The following SAMMSON variants were observed in gnomAD, a reference collection of about 807,000 sequenced individuals.
SAMMSON encodes the protein long intergenic non-protein coding RNA 1212.
At chr3:70,328,427 C>G (rs1702596528) in intron 7 of SAMMSON, among the ~76,000 whole-genome samples, 1 of 151,970 alleles carries the variant, frequency 6.6e-6, no homozygotes. Flanking sequence ...TATGTATGTC[C>G]CAAAAGGCAG....
chr3:70,062,188 C>G (rs901152481), intron 3 of SAMMSON, among the ~76,000 whole-genome samples: 1 of 151,988 alleles, frequency 6.6e-6, no homozygotes, highest in Non-Finnish European at 1.5e-5. Context: ...TTCATTCATG[C>G]CCATACAAAT....
intron 3 of SAMMSON, among the ~76,000 whole-genome samples, chr3:70,047,525 C>T (rs1171979552): frequency 6.6e-6 from 1 of 151,830 alleles, no homozygotes; most frequent in Non-Finnish European, 1.5e-5. Flanking sequence ...TTAGTAGAGA[C>T]GGGGTTTCAC....
At chr3:70,140,463 A>G (rs1488318118) in intron 4 of SAMMSON, 1 of 181,604 alleles carries the variant, frequency 5.5e-6, no homozygotes, top group Non-Finnish European at 1.2e-5. Context: ...TGAGTGACCC[A>G]CAAACTCTTT....
intron 9 of SAMMSON, among the ~76,000 whole-genome samples, chr3:70,377,132 A>G (rs1215060267): frequency 2.6e-5 from 4 of 152,152 alleles, no homozygotes; most frequent in African/African-American, 9.6e-5. Flanking sequence ...GTTGTTTGGA[A>G]AGAGTGAAAT....
intron 4 of SAMMSON, among the ~76,000 whole-genome samples, chr3:70,103,510 G>T (rs1207429896): frequency 1.3e-5 from 2 of 152,146 alleles, no homozygotes; most frequent in Non-Finnish European, 2.9e-5. Context: ...TGGTGAAAAT[G>T]TCAATGGCTT....
intron 7 of SAMMSON, among the ~76,000 whole-genome samples, chr3:70,294,122 T>C (rs1702266923): frequency 1.3e-5 from 2 of 152,168 alleles, no homozygotes; most frequent in Non-Finnish European, 2.9e-5. Context: ...TCTCAGTGTT[T>C]TAGAAATGTC....
chr3:70,371,374 A>G (rs1312658727), intron 9 of SAMMSON, among the ~76,000 whole-genome samples: 2 of 151,660 alleles, frequency 1.3e-5, no homozygotes, highest in African/African-American at 4.8e-5. Context: ...TTTGACAGGG[A>G]TTGCCTTGAA....
chr3:70,319,050 C>T (rs945588296), intron 7 of SAMMSON, among the ~76,000 whole-genome samples: 1 of 152,040 alleles, frequency 6.6e-6, no homozygotes, highest in African/African-American at 2.4e-5. Flanking sequence ...ACAAAAGCTA[C>T]TTTTTGCCAG....
rs113080245 is a variant in SAMMSON at position 70,004,899 on chromosome 3, G to A, written n.22+5032G>A. Among the ~76,000 whole-genome samples the A allele has an allele frequency of 4.2e-3, 642 of 152,208 alleles. 6 individuals are homozygous for A. Among genetic ancestry groups the A allele is most frequent in the African/African-American group, 0.015 (618 of 41,532 alleles). ...CTACACCTAAGGCTTTAAATCCTAG[G>A]CCAAATGACCCACTTAGCCACTTTT... On this transcript the variant is annotated intron_variant and non_coding_transcript_variant, in intron 1 of 9. Transcript: ENST00000642114.
intron 4 of SAMMSON, among the ~76,000 whole-genome samples, chr3:70,228,908 C>G (rs1182069380): frequency 6.6e-6 from 1 of 152,022 alleles, no homozygotes; most frequent in African/African-American, 2.4e-5. Context: ...AGAAACTCAG[C>G]TAAAAGGTGT....
Position 70,161,564 on chromosome 3 carries a change from G to T in SAMMSON, n.508-87543G>T, listed in dbSNP as rs71298330. ...TCTTTTTATATGTTGAATTTGGTTT[G>T]CTAACATTTTGTTGAGGATTTTTGT... On this transcript the variant is annotated intron_variant and non_coding_transcript_variant, in intron 4 of 9. Coordinates refer to ENST00000642114, the Ensembl canonical transcript of SAMMSON. 2.3e-3 allele frequency among the ~76,000 whole-genome samples: 345 copies of T among 151,944 alleles called. 2 individuals are homozygous for T. The highest frequency in any genetic ancestry group is 0.011 in the South Asian group (53 of 4,810).
intron 7 of SAMMSON, among the ~76,000 whole-genome samples, chr3:70,335,810 A>T (rs1702655944): frequency 6.6e-6 from 1 of 152,040 alleles, no homozygotes; most frequent in Admixed American, 6.6e-5. Context: ...TAGTGATCTC[A>T]GTCTTCAAAC....
chr3:70,178,856 A>G (rs911152886), intron 4 of SAMMSON, among the ~76,000 whole-genome samples: 2 of 151,996 alleles, frequency 1.3e-5, no homozygotes, highest in Admixed American at 6.6e-5. Flanking sequence ...CAAAAATACA[A>G]AAAAATTAGC....
rs374044466 is a variant in SAMMSON, at chr3:70,220,711, ACTG to A, written n.508-28393_508-28391del. Among the ~76,000 whole-genome samples, 162 of 152,286 alleles carry A rather than the reference ACTG, an allele frequency of 1.1e-3. 3 individuals carry two copies. Among genetic ancestry groups the A allele is most frequent in the African/African-American group, 3.6e-3 (151 of 41,564 alleles). On this transcript the variant is annotated intron_variant and non_coding_transcript_variant, in intron 4 of 9. Transcript: ENST00000642114. ...ATTTTTATTCAACAAATATTTGCTGACTGCTACTGTATCAGGCAGTGAAAATAT... is the reference window on the plus strand; with the variant it reads ...ATTTTTATTCAACAAATATTTGCTGACTACTGTATCAGGCAGTGAAAATAT...
intron 2 of SAMMSON, among the ~76,000 whole-genome samples, chr3:70,427,336 T>G (rs1488755179): frequency 6.6e-6 from 1 of 152,176 alleles, no homozygotes; most frequent in Non-Finnish European, 1.5e-5. Context: ...TGTATAGAAT[T>G]TTAAGGTTTA....
At chr3:70,045,245 G>T (rs2067122171) in intron 3 of SAMMSON, among the ~76,000 whole-genome samples, 1 of 144,164 alleles carries the variant, frequency 6.9e-6, no homozygotes, top group Non-Finnish European at 1.5e-5. Flanking sequence ...TATTTAGTAT[G>T]TTTTAAATAT....
chr3:70,299,556 C>G (rs1394062806), intron 7 of SAMMSON, among the ~76,000 whole-genome samples: 1 of 152,132 alleles, frequency 6.6e-6, no homozygotes, highest in East Asian at 1.9e-4. Flanking sequence ...CCTTAATATC[C>G]AGTCCATGGC....
At chr3:70,163,957 C>T (rs2067626565) in intron 4 of SAMMSON, among the ~76,000 whole-genome samples, 1 of 151,872 alleles carries the variant, frequency 6.6e-6, no homozygotes, top group African/African-American at 2.4e-5. Context: ...AGCCATGTGC[C>T]CCATAAACCC....
At chr3:70,159,950 C>T (rs1433981235) in intron 4 of SAMMSON, among the ~76,000 whole-genome samples, 2 of 152,020 alleles carry the variant, frequency 1.3e-5, no homozygotes, top group Non-Finnish European at 2.9e-5. Context: ...TGTTAAAGAG[C>T]TTTACAAGTG....
Sources: gnomAD v4.1 joint callset for allele counts (sites outside exome capture counted in the v4.1 genomes callset) on GRCh38, gnomAD v4.1.1 for gene constraint, MANE v1.5 for transcripts, NCBI Gene and HGNC (gene_info 2026-07-23, HGNC 2026-07-21) for gene names.